DYNC1I2: variants seen among roughly 807,000 people sequenced by gnomAD.
The protein encoded by DYNC1I2 is cytoplasmic dynein 1 intermediate chain 2.
A neutral mutation model predicts 88.6 loss-of-function variants in DYNC1I2; 53 were observed. The observed-to-expected ratio is 0.60, with a 90% CI of 0.48 to 0.75. The LOEUF (loss-of-function observed/expected upper bound fraction) is 0.75. Ranked by LOEUF, DYNC1I2 falls within the 30% of genes least tolerant of loss-of-function variation. The probability of loss-of-function intolerance (pLI) is 0.00; values close to 1 mark genes in which losing one functional copy is unlikely to be tolerated. For missense variants in DYNC1I2, 458 were observed against 766.6 expected, an observed-to-expected ratio of 0.60 and a Z score of 4.75; for synonymous variants, 198 against 254.6, an observed-to-expected ratio of 0.78 and a Z score of 2.12.
chr2:171,745,678 T>G (rs904947688), intron 16 of DYNC1I2, 124 bp from the exon 17 acceptor site: 22 of 1,035,280 alleles, frequency 2.1e-5, no homozygotes, highest in Non-Finnish European at 2.9e-5. Flanking sequence ...TTGGGGAAAT[T>G]CTTACCTGTT....
chr2:171,740,882 A>G (rs752370631), intron 15 of DYNC1I2, among the ~76,000 whole-genome samples: 1 of 152,198 alleles, frequency 6.6e-6, no homozygotes, highest in Non-Finnish European at 1.5e-5. Context: ...AGGCACGCCT[A>G]ATTGCCAGTA....
intron 4 of DYNC1I2, 184 bp from the exon 5 acceptor site, chr2:171,707,103 G>T: frequency 3.6e-6 from 3 of 834,264 alleles, no homozygotes; most frequent in Non-Finnish European, 5.6e-6. Flanking sequence ...AGCATGCATT[G>T]TTAACTTTTT....
In DYNC1I2 at chr2:171,725,598, G is replaced by GTTTTTTTTTTTTTTTTTTTTTTT; in HGVS notation, c.512-4_512-3insTTTTTTTTTTTTTTTTTTTTTTT. 2 of 894,260 alleles carry GTTTTTTTTTTTTTTTTTTTTTTT rather than the reference G, an allele frequency of 2.2e-6. No homozygotes were observed. The highest frequency in any genetic ancestry group is 2.3e-5 in the South Asian group (1 of 42,984). The allele number at this position is 894,260 out of a possible 1,614,324, so 55.4% of individuals were successfully genotyped here. Reference sequence around the variant, plus strand: ...ATTCTGTTTTTTTGTTTTTTTGTTTGTTTTTTTTTTTTTTTTCAGATGAAG... The same window carrying GTTTTTTTTTTTTTTTTTTTTTTT: ...ATTCTGTTTTTTTGTTTTTTTGTTTGTTTTTTTTTTTTTTTTTTTTTTTTTTTTTTTTTTTTTTTCAGATGAAG... On this transcript the variant is annotated intron_variant, in intron 7 of 17. Transcript: ENST00000397119.
chr2:171,726,112 CA>C, intron 9 of DYNC1I2, 31 bp downstream of exon 9: 1 of 1,558,996 alleles, frequency 6.4e-7, no homozygotes, highest in Non-Finnish European at 8.7e-7. Context: ...TTTTTAGCTT[CA>C]ATAATGTTAA....
chr2:171,707,844 C>T (rs1402423685), intron 5 of DYNC1I2, among the ~76,000 whole-genome samples: 1 of 152,092 alleles, frequency 6.6e-6, no homozygotes, highest in Admixed American at 6.6e-5. Flanking sequence ...AATAATAATG[C>T]ATAAAATGTC....
At chr2:171,712,474 G>C (rs1348121555) in intron 5 of DYNC1I2, 1 of 280,484 alleles carries the variant, frequency 3.6e-6, no homozygotes, top group Non-Finnish European at 6.6e-6. Context: ...TTCTAAAGCA[G>C]ATCTATTATT....
chr2:171,691,190 C>G (rs1340904453), intron 2 of DYNC1I2, among the ~76,000 whole-genome samples: 1 of 151,924 alleles, frequency 6.6e-6, no homozygotes, highest in Non-Finnish European at 1.5e-5. Context: ...TTTGATGGTA[C>G]CATAAAGGTG....
chr2:171,714,971 A>C (rs775763033), intron 6 of DYNC1I2, among the ~76,000 whole-genome samples: 1 of 152,176 alleles, frequency 6.6e-6, no homozygotes, highest in Non-Finnish European at 1.5e-5. Flanking sequence ...AAAAAAGTCC[A>C]GAAAGAACCA....
At chr2:171,701,599 G>A (rs1225175228) in intron 3 of DYNC1I2, among the ~76,000 whole-genome samples, 1 of 152,078 alleles carries the variant, frequency 6.6e-6, no homozygotes, top group African/African-American at 2.4e-5. Context: ...ACTAAATTAA[G>A]CCATGGAGAG....
chr2:171,709,107 T>G (rs1686910535), intron 5 of DYNC1I2, among the ~76,000 whole-genome samples: 1 of 152,180 alleles, frequency 6.6e-6, no homozygotes, highest in African/African-American at 2.4e-5. Context: ...AATTACTATA[T>G]TTATTAAATG....
chr2:171,737,631 C>A (rs1689102287), intron 15 of DYNC1I2, among the ~76,000 whole-genome samples: 1 of 152,154 alleles, frequency 6.6e-6, no homozygotes, highest in Admixed American at 6.5e-5. Flanking sequence ...CTTGGCCAGG[C>A]TGGTCTCAAA....
chr2:171,693,004 T>A, intron 3 of DYNC1I2, 110 bp downstream of exon 3: 1 of 786,216 alleles, frequency 1.3e-6, no homozygotes, highest in Non-Finnish European at 2.1e-6. Flanking sequence ...CTTGTGTCTC[T>A]AAAATTATTA....
chr2:171,728,975 TCAGGCACATAAAATTA>T, intron 14 of DYNC1I2, 125 bp downstream of exon 14: 2 of 1,060,862 alleles, frequency 1.9e-6, no homozygotes, highest in Non-Finnish European at 2.7e-6. Context: ...TTTTTTGTGT[TCAGGCACATAAAATTA>T]AAACTTAATA....
intron 15 of DYNC1I2, among the ~76,000 whole-genome samples, chr2:171,731,799 G>T (rs1456325320): frequency 2.0e-5 from 1 of 49,142 alleles, no homozygotes; most frequent in Non-Finnish European, 8.4e-5. Flanking sequence ...ACCTTGAACT[G>T]GGAAAAGCAA....
At chr2:171,742,470 G>A (rs1308877912) in intron 15 of DYNC1I2, among the ~76,000 whole-genome samples, 4 of 152,090 alleles carry the variant, frequency 2.6e-5, no homozygotes, top group Admixed American at 2.0e-4. Flanking sequence ...TGGCACCTGG[G>A]CCAGCTTTAT....
chr2:171,713,926 C>T (rs1440867232), intron 6 of DYNC1I2, among the ~76,000 whole-genome samples: 1 of 152,120 alleles, frequency 6.6e-6, no homozygotes. Flanking sequence ...TACTTCCCTA[C>T]CCACCTCCTC....
chr2:171,745,424 A>T (rs1029070494), intron 16 of DYNC1I2, among the ~76,000 whole-genome samples: 4 of 152,216 alleles, frequency 2.6e-5, no homozygotes, highest in Admixed American at 2.0e-4. Flanking sequence ...ACTGAACCAT[A>T]ATCTGCTTAT....
At chr2:171,718,627 A>G (rs906046665) in intron 7 of DYNC1I2, among the ~76,000 whole-genome samples, 22 of 151,174 alleles carry the variant, frequency 1.5e-4, no homozygotes, top group African/African-American at 4.6e-4. Context: ...TAGAGACGGG[A>G]TTTCACCATG....
At chr2:171,708,092 C>CACACAA (rs1308560878) in intron 5 of DYNC1I2, among the ~76,000 whole-genome samples, 1 of 151,700 alleles carries the variant, frequency 6.6e-6, no homozygotes, top group Non-Finnish European at 1.5e-5. Flanking sequence ...CACACACACA[C>CACACAA]AAAATAGTGA....
Sources: allele counts gnomAD v4.1 joint callset (sites outside exome capture counted in the v4.1 genomes callset), GRCh38; gene constraint gnomAD v4.1.1; transcripts MANE v1.5; gene names NCBI Gene and HGNC (gene_info 2026-07-23, HGNC 2026-07-21).